Variants in ANKRD10 observed in about 807,000 individuals in gnomAD.
The protein encoded by ANKRD10 is ankyrin repeat domain-containing protein 10.
In ANKRD10, 14 loss-of-function variants were observed where a neutral mutation model predicts 27.0. The observed-to-expected ratio is 0.52, with a 90% CI of 0.34 to 0.81. ANKRD10 has a LOEUF of 0.81. Ranked by LOEUF, ANKRD10 falls within the 40% of genes least tolerant of loss-of-function variation. The pLI is 0.01. For synonymous variants in ANKRD10, 250 were observed against 224.5 expected (o/e 1.11, Z -1.01); for missense variants, 493 against 544.0 (o/e 0.91, Z 0.93).
chr13:110,884,150 A>C (rs1023719222), intron 4 of ANKRD10, among the ~76,000 whole-genome samples: 1 of 152,116 alleles, frequency 6.6e-6, no homozygotes, highest in South Asian at 2.1e-4. Context: ...ATACTAAGAC[A>C]ATTCTTAAAT....
intron 4 of ANKRD10, among the ~76,000 whole-genome samples, chr13:110,888,066 C>G (rs979315991): frequency 6.6e-6 from 1 of 152,080 alleles, no homozygotes; most frequent in South Asian, 2.1e-4. Context: ...TCGCGGGACC[C>G]GCCAGGGCCC....
chr13:110,913,542 G>C (rs1455096209), intron 1 of ANKRD10, among the ~76,000 whole-genome samples: 2 of 152,048 alleles, frequency 1.3e-5, no homozygotes, highest in Non-Finnish European at 2.9e-5. Context: ...TTCTTTTATT[G>C]AAAGAAAAGT....
At chr13:110,913,749 CACTT>C (rs2065790963) in intron 1 of ANKRD10, among the ~76,000 whole-genome samples, 1 of 152,168 alleles carries the variant, frequency 6.6e-6, no homozygotes, top group Non-Finnish European at 1.5e-5. Flanking sequence ...CCCATCTCAT[CACTT>C]ACGAGAAAAA....
At chr13:110,900,282 A>G (rs2065347779) in intron 3 of ANKRD10, among the ~76,000 whole-genome samples, 1 of 152,188 alleles carries the variant, frequency 6.6e-6, no homozygotes. Flanking sequence ...CCTGAAGTAT[A>G]ATTTTTAGAA....
chr13:110,879,681 C>T lies in ANKRD10; in HGVS notation c.1219G>A (p.Asp407Asn), dbSNP rs750467264. Residue 407 changes from aspartate (D) to asparagine (N), a missense_variant, in exon 6 of 6, where the codon GAC becomes AAC. By Grantham distance (23) the Asp-to-Asn change is conservative (BLOSUM62 1). Transcript: ENST00000267339. ...TGCATGGTGCCCAGCACGGCACTGT[C>T]GTACCGCTCCTGCACCTTCACGGAC... ...SKSVKVQERYDSAVLGTMHLH... is the reference protein window; with the variant it reads ...SKSVKVQERYNSAVLGTMHLH... 4.3e-6 allele frequency: 7 copies of T among 1,613,880 alleles called. No individual in the cohort carries two copies. Among genetic ancestry groups the T allele is most frequent in the African/African-American group, 2.7e-5 (2 of 74,934 alleles).
At chr13:110,884,874 G>C (rs924405498) in intron 4 of ANKRD10, among the ~76,000 whole-genome samples, 1 of 152,192 alleles carries the variant, frequency 6.6e-6, no homozygotes, top group Admixed American at 6.5e-5. Flanking sequence ...GAACTTTGCA[G>C]CTTGAATTAG....
At chr13:110,897,490 A>C (rs536874632) in intron 3 of ANKRD10, among the ~76,000 whole-genome samples, 107 of 152,090 alleles carry the variant, frequency 7.0e-4, no homozygotes, top group African/African-American at 2.4e-3. Flanking sequence ...TGCCTGGCTT[A>C]CTTAACATAA....
In ANKRD10 at chr13:110,915,004, G is replaced by T. The variant is rs987350124; in HGVS notation, c.-70C>A. On this transcript the variant is annotated 5_prime_UTR_variant, in exon 1 of 6. Coordinates refer to ENST00000267339, the MANE Select transcript of ANKRD10 (RefSeq NM_017664.4). The stretch of plus-strand genomic sequence containing the variant: ...GTCGGGGAGGACTCGAGAAGCCGCC[G>T]CCGCAGCACAAAGGAACGAGACTAG... The T allele has an allele frequency of 6.7e-7, 1 of 1,483,750 alleles. No individual in the cohort carries two copies. The highest frequency in any genetic ancestry group is 1.4e-5 in the African/African-American group (1 of 71,282). 91.9% of individuals were successfully genotyped at this position (1,483,750 alleles called of 1,614,324 possible).
At chr13:110,904,731 T>C (rs532678215) in intron 3 of ANKRD10, among the ~76,000 whole-genome samples, 74 of 152,366 alleles carry the variant, frequency 4.9e-4, no homozygotes, top group African/African-American at 1.7e-3. Context: ...TACTATCAAT[T>C]GTTTCTACAT....
intron 3 of ANKRD10, among the ~76,000 whole-genome samples, chr13:110,903,052 A>G (rs561477153): frequency 6.6e-6 from 1 of 152,358 alleles, no homozygotes; most frequent in East Asian, 1.9e-4. Flanking sequence ...CCAAAATCAC[A>G]TTAAGACTTA....
rs747153519 is a variant in ANKRD10 at position 110,880,130 on chromosome 13, C to T, written c.788-18G>A. The T allele has an allele frequency of 1.3e-6, 2 of 1,592,710 alleles. No individual in the cohort carries two copies. Among genetic ancestry groups the T allele is most frequent in the Non-Finnish European group, 1.7e-6 (2 of 1,164,954 alleles). On this transcript the variant is annotated intron_variant, in intron 5 of 5. Coordinates refer to ENST00000267339, the MANE Select transcript of ANKRD10 (RefSeq NM_017664.4). The stretch of plus-strand genomic sequence containing the variant: ...TTTCATATCTGCATTAAGAAATACA[C>T]CTGTCACCAAAATTCAGAACCAATG...
At chr13:110,892,439 G>T (rs886451453) in intron 4 of ANKRD10, among the ~76,000 whole-genome samples, 2 of 12,436 alleles carry the variant, frequency 1.6e-4, no homozygotes, top group African/African-American at 6.0e-4. Flanking sequence ...AAAAAAAATG[G>T]TGGGAGAATA....
At chr13:110,885,161 A>G (rs1017982340) in intron 4 of ANKRD10, among the ~76,000 whole-genome samples, 26 of 152,176 alleles carry the variant, frequency 1.7e-4, no homozygotes, top group African/African-American at 6.3e-4. Context: ...AAGCTTTAAA[A>G]AATCTTCCAC....
At chr13:110,903,476 G>A (rs2065441693) in intron 3 of ANKRD10, 2 of 154,740 alleles carry the variant, frequency 1.3e-5, no homozygotes, top group African/African-American at 2.4e-5. Context: ...ACATACTCAC[G>A]TGTGGTGCTA....
At chr13:110,903,534 T>C (rs2065443501) in intron 3 of ANKRD10, 1 of 154,750 alleles carries the variant, frequency 6.5e-6, no homozygotes, top group Non-Finnish European at 1.5e-5. Flanking sequence ...ATCTTACAGA[T>C]GCAACCTACA....
At chr13:110,905,148 T>C (rs1053914963) in intron 3 of ANKRD10, 6 of 152,222 alleles carry the variant, frequency 3.9e-5, no homozygotes, top group African/African-American at 1.4e-4. Context: ...AAAAAGCTGA[T>C]ATTGGTTATT....
chr13:110,900,995 G>A (rs1040730646), intron 3 of ANKRD10, among the ~76,000 whole-genome samples: 3 of 151,968 alleles, frequency 2.0e-5, no homozygotes, highest in African/African-American at 7.3e-5. Flanking sequence ...AAGTTTAACA[G>A]TATGGACTAA....
chr13:110,890,046 T>C (rs897167970), intron 4 of ANKRD10, among the ~76,000 whole-genome samples: 1 of 152,152 alleles, frequency 6.6e-6, no homozygotes, highest in African/African-American at 2.4e-5. Context: ...AAAAAAGAAT[T>C]TATCATTTCT....
chr13:110,910,665 G>C lies in ANKRD10; in HGVS notation c.316C>G (p.Gln106Glu). The C allele has an allele frequency of 6.2e-7, 1 of 1,614,180 alleles. No homozygotes were observed. The highest frequency in any genetic ancestry group is 8.5e-7 in the Non-Finnish European group (1 of 1,180,036). The part of the protein sequence containing the change: ...AHIAAFGGHP[Q>E]CLVWLIQAGA... ...GCTTGAATCAGCCAGACCAGGCACTGAGGATGTCCCCCAAAGGCTGCAATG... is the reference window on the plus strand; with the variant it reads ...GCTTGAATCAGCCAGACCAGGCACTCAGGATGTCCCCCAAAGGCTGCAATG... The change falls in exon 2 of 6, where the codon CAG becomes GAG. Residue 106 changes from glutamine to glutamate, a missense_variant. Coordinates refer to ENST00000267339, the MANE Select transcript of ANKRD10 (RefSeq NM_017664.4).
Sources: gnomAD v4.1 joint callset for allele counts (sites outside exome capture counted in the v4.1 genomes callset) on GRCh38, gnomAD v4.1.1 for gene constraint, MANE v1.5 for transcripts, NCBI Gene and HGNC (gene_info 2026-07-23, HGNC 2026-07-21) for gene names.